The following LBHD2 variants were observed in gnomAD, a reference collection of about 807,000 sequenced individuals.
LBHD2 encodes LBH domain containing 2, also known as LBH domain-containing protein 2.
At position 103,087,315 on chromosome 14, in the gene LBHD2, C is replaced by T. The variant is rs980988425; in HGVS notation, c.70-770C>T. On this transcript the variant is annotated intron_variant, in intron 2 of 3. Coordinates refer to ENST00000634353, the MANE Select transcript of LBHD2 (RefSeq NM_001330236.2). ...AAGTCCCCCCTGCTGCGTGGCTGTCCTTCCTCGAGGCCCTTGTGCTCTTTT... is the reference window on the plus strand; with the variant it reads ...AAGTCCCCCCTGCTGCGTGGCTGTCTTTCCTCGAGGCCCTTGTGCTCTTTT... Among the ~76,000 whole-genome samples the T allele has an allele frequency of 2.0e-5, 3 of 152,218 alleles. No homozygotes were observed. In the East Asian group the frequency reaches 5.8e-4, roughly 29 times the overall value.
In LBHD2 at chr14:103,089,784, C is replaced by A; in HGVS notation, c.314C>A (p.Pro105Gln). 1 of 398,646 alleles carries A rather than the reference C, an allele frequency of 2.5e-6. No individual in the cohort carries two copies. Among genetic ancestry groups the A allele is most frequent in the Non-Finnish European group, 4.4e-6 (1 of 226,076 alleles). The allele number at this position is 398,646 out of a possible 1,614,324, so 24.7% of individuals were successfully genotyped here. Residue 105 changes from proline to glutamine, a missense_variant, in exon 4 of 4, where the codon CCG (proline) becomes CAG (glutamine). Pro to Gln is a moderately conservative substitution (Grantham distance 76). Transcript: ENST00000634353. ...GCCTGCTCCGAGGACCCAGCAGCCC[C>A]GGCCCGGGGATAGGACAAGGACGTG... ...ECACSEDPAAPARG is the reference protein window; with the variant it reads ...ECACSEDPAAQARG
At chr14:103,088,303 C>T (rs538902977) in intron 3 of LBHD2, 62 bp downstream of exon 3, 28 of 398,528 alleles carry the variant, frequency 7.0e-5, no homozygotes, top group South Asian at 2.6e-4. Flanking sequence ...GGGTCAGAAG[C>T]GGGGCGTGCT....
chr14:103,084,721 C>G (rs531986519), intron 1 of LBHD2, among the ~76,000 whole-genome samples: 83 of 152,260 alleles, frequency 5.5e-4, no homozygotes, highest in Middle Eastern at 3.4e-3. Context: ...TTCTGTCTCT[C>G]TCTCTCTCTC....
intron 2 of LBHD2, among the ~76,000 whole-genome samples, chr14:103,087,736 TG>T (rs887605148): frequency 2.0e-5 from 3 of 152,132 alleles, no homozygotes; most frequent in Admixed American, 6.5e-5. Flanking sequence ...AGGAGGCAGC[TG>T]GGGGTGCGCA....
chr14:103,086,987 G>A lies in LBHD2; in HGVS notation c.69+906G>A, dbSNP rs561969007. ...GGCAGACTTGGAGAGGAGCACCCTT[G>A]GTTGGGGGCAGGAAGGAGAATGGCA... is the stretch of plus-strand genomic sequence containing the variant. On this transcript the variant is annotated intron_variant, in intron 2 of 3. Coordinates refer to ENST00000634353, the MANE Select transcript of LBHD2 (RefSeq NM_001330236.2). Among the ~76,000 whole-genome samples the A allele has an allele frequency of 5.3e-5, 8 of 152,346 alleles. No individual in the cohort carries two copies. In the South Asian group the frequency reaches 1.4e-3, roughly 28 times the overall value.
Position 103,087,679 on chromosome 14 carries a change from G to A in LBHD2, c.70-406G>A, listed in dbSNP as rs117957432. 2.7e-3 allele frequency among the ~76,000 whole-genome samples: 415 copies of A among 152,332 alleles called. 12 individuals carry two copies. The East Asian group carries it at 0.053, about 19-fold the overall frequency. On this transcript the variant is annotated intron_variant, in intron 2 of 3. Coordinates refer to ENST00000634353, the MANE Select transcript of LBHD2 (RefSeq NM_001330236.2). ...CCTCTGAGCCTGGAGGAGGCCAAGGGCCCAGCAGGGAAGACCCCAGGAAGG... is the reference window on the plus strand; with the variant it reads ...CCTCTGAGCCTGGAGGAGGCCAAGGACCCAGCAGGGAAGACCCCAGGAAGG...
At chr14:103,089,671 A>C (rs1889685197) in intron 3 of LBHD2, 26 bp from the exon 4 acceptor site, 3 of 398,484 alleles carry the variant, frequency 7.5e-6, no homozygotes, top group Non-Finnish European at 1.3e-5. Flanking sequence ...CCGCCGACCA[A>C]CACGGCCGCC....
intron 2 of LBHD2, among the ~76,000 whole-genome samples, chr14:103,087,847 C>T (rs1453839786): frequency 6.6e-6 from 1 of 152,196 alleles, no homozygotes; most frequent in East Asian, 1.9e-4. Context: ...CCTATGGTGC[C>T]TCCTGAGAGC....
At chr14:103,085,880 G>T in intron 1 of LBHD2, 96 bp from the exon 2 acceptor site, 1 of 396,674 alleles carries the variant, frequency 2.5e-6, no homozygotes, top group Non-Finnish European at 4.4e-6. Flanking sequence ...CTGGGCCTGG[G>T]CTGGGGTGGA....
chr14:103,088,427 C>A (rs983197534), intron 3 of LBHD2, among the ~76,000 whole-genome samples, 186 bp downstream of exon 3: 1 of 152,260 alleles, frequency 6.6e-6, no homozygotes, highest in East Asian at 1.9e-4. Flanking sequence ...CTTAACCCCC[C>A]TCCCTAGCAC....
At chr14:103,086,641 G>A (rs1298922136) in intron 2 of LBHD2, among the ~76,000 whole-genome samples, 1 of 152,166 alleles carries the variant, frequency 6.6e-6, no homozygotes, top group Non-Finnish European at 1.5e-5. Context: ...TCTGCTGAGT[G>A]AGGAAATGCC....
intron 1 of LBHD2, 68 bp from the exon 2 acceptor site, chr14:103,085,908 C>A (rs1188510471): frequency 1.3e-5 from 5 of 397,674 alleles, no homozygotes; most frequent in African/African-American, 1.0e-4. Flanking sequence ...GGGCTTAGCA[C>A]CTGAAGCCTT....
rs1207109459 is a variant in LBHD2 at position 103,088,176 on chromosome 14, G to C, written c.161G>C (p.Ser54Thr). The C allele has an allele frequency of 2.5e-6, 1 of 398,512 alleles. No homozygotes were observed. Among genetic ancestry groups the C allele is most frequent in the Non-Finnish European group, 4.4e-6 (1 of 226,068 alleles). 24.7% of individuals were successfully genotyped at this position (398,512 alleles called of 1,614,324 possible). The change falls in exon 3 of 4, where the codon AGT becomes ACT. Residue 54 changes from serine to threonine, a missense_variant. Transcript: ENST00000634353. ...CCCAGCGAGGCGGACCCTGTGGAAA[G>C]TGGGGAGCTGCGCTGGCCCCTGGAG... ...VEPSEADPVE[S>T]GELRWPLESA...
chr14:103,087,474 G>C (rs1889650021), intron 2 of LBHD2, among the ~76,000 whole-genome samples: 1 of 152,358 alleles, frequency 6.6e-6, no homozygotes, highest in African/African-American at 2.4e-5. Flanking sequence ...GGGCGCTGAG[G>C]GACAGAGTTC....
At chr14:103,087,912 G>A (rs984661226) in intron 2 of LBHD2, among the ~76,000 whole-genome samples, 173 bp from the exon 3 acceptor site, 2 of 152,174 alleles carry the variant, frequency 1.3e-5, no homozygotes, top group Admixed American at 6.5e-5. Flanking sequence ...GGTAGGGCCT[G>A]GGACCTGTCT....
chr14:103,085,682 G>A (rs771102623), intron 1 of LBHD2, among the ~76,000 whole-genome samples: 12 of 152,202 alleles, frequency 7.9e-5, no homozygotes, highest in Non-Finnish European at 1.6e-4. Flanking sequence ...CCTCCCAGCT[G>A]GCCTAGCTAC....
chr14:103,088,268 T>C, intron 3 of LBHD2, 27 bp downstream of exon 3: 1 of 398,958 alleles, frequency 2.5e-6, no homozygotes, highest in Non-Finnish European at 4.4e-6. Context: ...GTGGGGGTGC[T>C]GAGAGGAGGA....
intron 3 of LBHD2, among the ~76,000 whole-genome samples, chr14:103,089,263 C>A (rs1278144910): frequency 6.6e-5 from 10 of 152,160 alleles, no homozygotes; most frequent in Admixed American, 6.5e-4. Context: ...CTCTTCCCAT[C>A]CCCAGACCTC....
At chr14:103,085,858 G>A in intron 1 of LBHD2, 118 bp from the exon 2 acceptor site, 1 of 396,054 alleles carries the variant, frequency 2.5e-6, no homozygotes, top group Non-Finnish European at 4.4e-6. Context: ...GGTCCAGCTG[G>A]AGCCATGGGC....
Sources: gnomAD v4.1 joint callset for allele counts (sites outside exome capture counted in the v4.1 genomes callset) on GRCh38, gnomAD v4.1.1 for gene constraint, MANE v1.5 for transcripts, NCBI Gene and HGNC (gene_info 2026-07-23, HGNC 2026-07-21) for gene names.